The following FAM13A variants were observed in gnomAD, a reference collection of about 807,000 sequenced individuals.
FAM13A encodes family with sequence similarity 13 member A.
In FAM13A, 76 loss-of-function variants were observed where a neutral mutation model predicts 129.6. That is an observed-to-expected ratio of 0.59 (90% confidence interval 0.49 to 0.71). FAM13A has a LOEUF of 0.71. Ranked by LOEUF, FAM13A falls within the 30% of genes least tolerant of loss-of-function variation. FAM13A has a pLI of 0.00. For synonymous variants in FAM13A, 443 were observed against 449.9 expected (o/e 0.98, Z 0.20); for missense variants, 1,108 against 1,249.3 (o/e 0.89, Z 1.70).
chr4:88,965,093 G>T (rs187714256), intron 4 of FAM13A, among the ~76,000 whole-genome samples: 1 of 152,060 alleles, frequency 6.6e-6, no homozygotes, highest in Non-Finnish European at 1.5e-5. Flanking sequence ...AATTGAACAG[G>T]CAAGACTAAG....
Position 88,873,981 on chromosome 4 carries a change from C to G in FAM13A, c.844-22798G>C, listed in dbSNP as rs537646191. ...TCATCCCTGGGATGCAAGGCTGGTT[C>G]AACACACGCAAATCAATAGACGTAA... On this transcript the variant is annotated intron_variant, in intron 6 of 23. Coordinates refer to ENST00000264344, the MANE Select transcript of FAM13A (RefSeq NM_014883.4). Among the ~76,000 whole-genome samples, 3 of 152,212 alleles carry G rather than the reference C, an allele frequency of 2.0e-5. No individual in the cohort carries two copies. In the East Asian group the frequency reaches 5.8e-4, roughly 29 times the overall value.
At chr4:88,878,504 TAC>T (rs1742994316) in intron 6 of FAM13A, among the ~76,000 whole-genome samples, 2 of 152,132 alleles carry the variant, frequency 1.3e-5, no homozygotes, top group South Asian at 2.1e-4. Flanking sequence ...AATTAGAAAA[TAC>T]AGTTATTTTA....
chr4:88,983,865 C>T (rs549501002), intron 4 of FAM13A, among the ~76,000 whole-genome samples: 21 of 152,140 alleles, frequency 1.4e-4, no homozygotes, highest in African/African-American at 3.4e-4. Context: ...AAAAGAAGAA[C>T]AAACTTGGAG....
At chr4:89,029,675 C>G in intron 1 of FAM13A, 26 bp from the exon 2 acceptor site, 1 of 1,566,820 alleles carries the variant, frequency 6.4e-7, no homozygotes, top group Non-Finnish European at 8.6e-7. Flanking sequence ...GAAAAAAGAG[C>G]AGTCAGTCAT....
chr4:88,749,908 G>A lies in FAM13A; in HGVS notation c.1942C>T (p.Arg648Trp), dbSNP rs537879478. The change falls in exon 16 of 24, where the codon CGG becomes TGG. Residue 648 changes from arginine (R) to tryptophan (W), a missense_variant and splice_region_variant. By Grantham distance (101) the Arg-to-Trp change is moderately radical (BLOSUM62 -3). Around this residue, in one of 3 missense-constraint regions of FAM13A, gnomAD observed 529 missense variants for 621.2 expected, o/e 0.85. Transcript: ENST00000264344. ...TAGGACCCCAGAGAGGAGCTTCGCC[G>A]CCTGTGAAGAGTACGACTTGGGTCA... ...SPPNSHSFMR[R>W]RSSSLGSYDD... is the part of the protein sequence containing the mutation. The A allele has an allele frequency of 3.7e-6, 6 of 1,613,134 alleles. No homozygotes were observed. The highest frequency in any genetic ancestry group is 3.3e-5 in the South Asian group (3 of 90,984).
At chr4:88,925,280 C>G (rs1195989622) in intron 5 of FAM13A, among the ~76,000 whole-genome samples, 1 of 152,092 alleles carries the variant, frequency 6.6e-6, no homozygotes. Context: ...GCTCTATTCA[C>G]AATAGCAAAG....
At chr4:88,879,533 C>T (rs1024029041) in intron 6 of FAM13A, among the ~76,000 whole-genome samples, 1 of 151,902 alleles carries the variant, frequency 6.6e-6, no homozygotes, top group Admixed American at 6.6e-5. Flanking sequence ...TACTGCTGTT[C>T]ACCAAATACT....
chr4:89,040,083 C>T (rs925181389), intron 1 of FAM13A, among the ~76,000 whole-genome samples: 2 of 152,132 alleles, frequency 1.3e-5, no homozygotes, highest in Non-Finnish European at 2.9e-5. Flanking sequence ...ATCATAACAT[C>T]ATGTAAGAAC....
At chr4:88,865,797 G>A (rs868086902) in intron 6 of FAM13A, among the ~76,000 whole-genome samples, 33 of 151,952 alleles carry the variant, frequency 2.2e-4, no homozygotes, top group African/African-American at 6.0e-4. Flanking sequence ...GATGGTACGC[G>A]GGATTTGGCC....
intron 1 of FAM13A, 138 bp downstream of exon 1, chr4:89,056,800 A>G: frequency 2.5e-6 from 2 of 799,898 alleles, no homozygotes; most frequent in South Asian, 3.7e-5. Context: ...AGTAGATAGG[A>G]ATTTAAGTAA....
intron 2 of FAM13A, among the ~76,000 whole-genome samples, chr4:89,029,163 AACTG>A (rs948464478): frequency 2.6e-5 from 4 of 152,228 alleles, no homozygotes; most frequent in East Asian, 1.9e-4. Context: ...TAATCTAGTA[AACTG>A]ACTATTAATA....
intron 6 of FAM13A, among the ~76,000 whole-genome samples, chr4:88,876,785 G>C (rs1742588113): frequency 6.6e-6 from 1 of 152,006 alleles, no homozygotes; most frequent in African/African-American, 2.4e-5. Flanking sequence ...TAGAGATGGG[G>C]TTTCACCATG....
intron 3 of FAM13A, among the ~76,000 whole-genome samples, chr4:89,001,581 G>A (rs961248646): frequency 1.3e-5 from 2 of 152,092 alleles, no homozygotes; most frequent in African/African-American, 2.4e-5. Context: ...ATTACCCTAG[G>A]GAAGGAAATA....
chr4:88,872,374 G>A (rs961625919), intron 6 of FAM13A, among the ~76,000 whole-genome samples: 4 of 152,154 alleles, frequency 2.6e-5, no homozygotes, highest in African/African-American at 9.7e-5. Flanking sequence ...CCATCAGTGT[G>A]CTGTATTCAG....
chr4:88,968,533 C>T (rs140761691), intron 4 of FAM13A, among the ~76,000 whole-genome samples: 1,573 of 152,210 alleles, frequency 0.01, 9 homozygotes, highest in Middle Eastern at 0.024. Context: ...GAGTACTTGG[C>T]AATTGTTCAT....
chr4:89,007,302 C>T (rs1765174454), intron 3 of FAM13A, among the ~76,000 whole-genome samples: 2 of 152,110 alleles, frequency 1.3e-5, no homozygotes, highest in African/African-American at 4.8e-5. Flanking sequence ...GGACAGCTTC[C>T]ATCTCTCTTG....
intron 6 of FAM13A, among the ~76,000 whole-genome samples, chr4:88,890,313 C>T (rs911027287): frequency 2.0e-5 from 3 of 152,134 alleles, no homozygotes; most frequent in Admixed American, 6.5e-5. Flanking sequence ...CAGGGCAGGT[C>T]AGGTATCTAA....
intron 4 of FAM13A, among the ~76,000 whole-genome samples, chr4:88,986,058 A>G (rs544367775): frequency 9.8e-5 from 15 of 152,326 alleles, no homozygotes; most frequent in Non-Finnish European, 1.8e-4. Context: ...AAAGACACCA[A>G]GAGGTTGAAC....
At chr4:88,806,854 C>T (rs1326611877) in intron 7 of FAM13A, among the ~76,000 whole-genome samples, 1 of 152,040 alleles carries the variant, frequency 6.6e-6, no homozygotes, top group Non-Finnish European at 1.5e-5. Context: ...TTAAGTCAAC[C>T]TGACAGAAGT....
Sources: allele counts gnomAD v4.1 joint callset (sites outside exome capture counted in the v4.1 genomes callset), GRCh38; gene constraint gnomAD v4.1.1; regional missense constraint gnomAD v4.1.1; transcripts MANE v1.5; gene names NCBI Gene and HGNC (gene_info 2026-07-23, HGNC 2026-07-21).